Variants in ASS1 observed in about 807,000 individuals in gnomAD.
ASS1 encodes the protein argininosuccinate synthase 1, also known as argininosuccinate synthase.
Under a neutral mutation model 60.5 loss-of-function variants are expected in ASS1, and 58 were observed. The observed-to-expected ratio is 0.96, with a 90% CI of 0.78 to 1.19. The LOEUF is 1.19. ASS1 is among the 50% of genes most tolerant of loss of function. ASS1 has a pLI of 0.00. For synonymous variants in ASS1, 200 were observed against 206.9 expected (o/e 0.97, Z 0.29); for missense variants, 454 against 547.3 (o/e 0.83, Z 1.70).
intron 8 of ASS1, among the ~76,000 whole-genome samples, chr9:130,472,266 A>G (rs1257475711): frequency 6.6e-6 from 1 of 152,068 alleles, no homozygotes; most frequent in East Asian, 1.9e-4. Flanking sequence ...GGGGGAATCA[A>G]GAAGACCAGC....
chr9:130,483,951 G>A (rs759692326), intron 11 of ASS1, among the ~76,000 whole-genome samples: 8 of 151,888 alleles, frequency 5.3e-5, no homozygotes, highest in Non-Finnish European at 8.8e-5. Context: ...CTTGCCCAAC[G>A]TGCCCACCCA....
chr9:130,451,920 A>T lies in ASS1; in HGVS notation c.-5-304A>T, dbSNP rs565079378. The stretch of plus-strand genomic sequence containing the variant: ...GCCTTGGGCCAAACTGCTCAGCCTC[A>T]GCCGCCTTCCCTCGATGCTGGAGGA... On this transcript the variant is annotated intron_variant, in intron 1 of 14. Coordinates refer to ENST00000352480, the MANE Select transcript of ASS1 (RefSeq NM_054012.4). 102 of 557,148 alleles carry T rather than the reference A, an allele frequency of 1.8e-4. No homozygotes were observed. The African/African-American group carries it at 1.8e-3, about 10-fold the overall frequency. 34.5% of individuals were successfully genotyped at this position (557,148 alleles called of 1,614,324 possible).
At chr9:130,465,404 A>G (rs1215975) in intron 5 of ASS1, among the ~76,000 whole-genome samples, 145,064 of 152,378 alleles carry the variant, frequency 0.95, 69,445 homozygotes, top group East Asian at 1. Flanking sequence ...TATCCAAAAT[A>G]TTATCATTCC....
intron 1 of ASS1, chr9:130,451,743 G>A: frequency 2.4e-6 from 1 of 424,854 alleles, no homozygotes. Context: ...TGTAGTGGGG[G>A]CTCAGGGGCA....
rs1272450383 is a variant in ASS1 at position 130,480,372 on chromosome 9, GTTC to G, written c.774-9_774-7del. 1.2e-6 allele frequency: 2 copies of G among 1,614,210 alleles called. No individual in the cohort carries two copies. The highest frequency in any genetic ancestry group is 8.5e-7 in the Non-Finnish European group (1 of 1,180,036). On this transcript the variant is annotated splice_polypyrimidine_tract_variant and intron_variant, in intron 10 of 14. Transcript: ENST00000352480. ...GGTAGCGCCCGAACCTAATGGACCA[GTTC>G]TTCCCACAGGGGCAAGCATGGCGTG... is the stretch of plus-strand genomic sequence containing the variant.
intron 1 of ASS1, among the ~76,000 whole-genome samples, chr9:130,448,342 A>G (rs1161002574): frequency 6.6e-6 from 1 of 151,946 alleles, no homozygotes; most frequent in East Asian, 1.9e-4. Flanking sequence ...GTGCAAGCCC[A>G]AACACATCAC....
intron 2 of ASS1, among the ~76,000 whole-genome samples, chr9:130,454,014 G>A (rs201026019): frequency 6.6e-6 from 1 of 152,250 alleles, no homozygotes; most frequent in East Asian, 1.9e-4. Flanking sequence ...AGCAATGACA[G>A]CAGATGGTTG....
In ASS1 at chr9:130,470,059, A is replaced by T. The variant is rs1845831074; in HGVS notation, c.496-775A>T. Among the ~76,000 whole-genome samples the T allele has an allele frequency of 6.6e-6, 1 of 152,130 alleles. No homozygotes were observed. ...GAGGAGGCTGGAGTGCACGAGCTGGATTCCAGTCGGGCGTCATCAAGGGTG... is the reference window on the plus strand; with the variant it reads ...GAGGAGGCTGGAGTGCACGAGCTGGTTTCCAGTCGGGCGTCATCAAGGGTG... On this transcript the variant is annotated intron_variant, in intron 6 of 14. Transcript: ENST00000352480. This position sits in a 1 kb window ranked among gnomAD's most constrained non-coding sequence, Gnocchi z 4.3.
chr9:130,469,030 G>C (rs1237941040), intron 6 of ASS1, among the ~76,000 whole-genome samples: 1 of 152,230 alleles, frequency 6.6e-6, no homozygotes, highest in Non-Finnish European at 1.5e-5. Context: ...CCTTGCTCCT[G>C]GACGGAGGTC....
Position 130,490,958 on chromosome 9 carries a change from C to A in ASS1, c.970+1494C>A, listed in dbSNP as rs1246308745. On this transcript the variant is annotated intron_variant, in intron 12 of 14. Transcript: ENST00000352480. ...ATCCTCACATCTTCGGGGGCCTGGA[C>A]GTCAGGGGACCTGTGCAAAGTTAGT... Among the ~76,000 whole-genome samples, 9 of 152,196 alleles carry A rather than the reference C, an allele frequency of 5.9e-5. No homozygotes were observed. In the East Asian group the frequency reaches 1.7e-3, roughly 29 times the overall value.
Position 130,494,746 on chromosome 9 carries a change from G to T in ASS1, c.971-121G>T. 3 of 1,303,742 alleles carry T rather than the reference G, an allele frequency of 2.3e-6. No individual in the cohort carries two copies. The highest frequency in any genetic ancestry group is 1.8e-5 in the Admixed American group (1 of 55,738). 80.8% of individuals were successfully genotyped at this position (1,303,742 alleles called of 1,614,324 possible). A position where few individuals can be genotyped will look rare whatever the true frequency, so the allele number is the denominator to read the frequency against. ...AGCGCACATTGTGCCAGTCTCGCGG[G>T]AGGCAGTCATGGTCTGCATGGCGGG... On this transcript the variant is annotated intron_variant, in intron 12 of 14. Transcript: ENST00000352480. The surrounding 1 kb of genome is among the most constrained non-coding windows in gnomAD (Gnocchi z 4.3).
rs889235015 is a variant in ASS1, at chr9:130,488,666, C to T, written c.839-667C>T. ...CTCCCCTGACCTTCCAGGGTTGGGC[C>T]TCCACGGCCAGGTGACTTACAGGGC... On this transcript the variant is annotated intron_variant, in intron 11 of 14. Coordinates refer to ENST00000352480, the MANE Select transcript of ASS1 (RefSeq NM_054012.4). This position sits in a 1 kb window ranked among gnomAD's most constrained non-coding sequence, Gnocchi z 5.2. 2.0e-5 allele frequency among the ~76,000 whole-genome samples: 3 copies of T among 152,216 alleles called. No homozygotes were observed. The highest frequency in any genetic ancestry group is 3.2e-3 in the Middle Eastern group (1 of 316).
chr9:130,458,575 G>T lies in ASS1; in HGVS notation c.349G>T (p.Gly117Cys). The T allele has an allele frequency of 1.2e-6, 2 of 1,612,772 alleles. No individual in the cohort carries two copies. Among genetic ancestry groups the T allele is most frequent in the Non-Finnish European group, 1.7e-6 (2 of 1,179,802 alleles). ...GGAGGGGGCCAAGTATGTGTCCCAC[G>T]GCGCCACAGGAAAGGTGAGGCACCT... ...QREGAKYVSH[G>C]ATGKGNDQVR... is the part of the protein sequence containing the mutation. The change falls in exon 4 of 15, where the codon GGC (glycine) becomes TGC (cysteine). Residue 117 changes from glycine to cysteine, a missense_variant. Gly to Cys is a radical substitution (Grantham distance 159). Coordinates refer to ENST00000352480, the MANE Select transcript of ASS1 (RefSeq NM_054012.4).
At chr9:130,454,538 G>T in intron 3 of ASS1, among the ~76,000 whole-genome samples, 165 bp downstream of exon 3, 1 of 152,066 alleles carries the variant, frequency 6.6e-6, no homozygotes, top group Non-Finnish European at 1.5e-5. Context: ...TTGTTTTTCT[G>T]CCTCCCCCAC....
chr9:130,447,281 T>C (rs1302001028), intron 1 of ASS1, among the ~76,000 whole-genome samples: 1 of 152,262 alleles, frequency 6.6e-6, no homozygotes, highest in East Asian at 1.9e-4. Flanking sequence ...AGCCGCTAGC[T>C]TGTGACCTCG....
At position 130,470,325 on chromosome 9, in the gene ASS1, T is replaced by C. The variant is rs1588486495; in HGVS notation, c.496-509T>C. On this transcript the variant is annotated intron_variant, in intron 6 of 14. Coordinates refer to ENST00000352480, the MANE Select transcript of ASS1 (RefSeq NM_054012.4). The surrounding 1 kb of genome is among the most constrained non-coding windows in gnomAD (Gnocchi z 4.3). The stretch of plus-strand genomic sequence containing the variant: ...GTCTGCAGAGTGATGTGTGTGGCTG[T>C]TGCGCCAGGCCCAGGGAGGGGTGCC... 6.6e-6 allele frequency among the ~76,000 whole-genome samples: 1 copy of C among 152,204 alleles called. No individual in the cohort carries two copies. Among genetic ancestry groups the C allele is most frequent in the Non-Finnish European group, 1.5e-5 (1 of 68,030 alleles).
intron 1 of ASS1, among the ~76,000 whole-genome samples, chr9:130,446,312 A>T (rs946051138): frequency 6.6e-6 from 1 of 152,086 alleles, no homozygotes; most frequent in Non-Finnish European, 1.5e-5. Flanking sequence ...GATGAGAGGG[A>T]GGGAGAAGCA....
chr9:130,480,515 C>A lies in ASS1; in HGVS notation c.838+66C>A, dbSNP rs2043189. The A allele has an allele frequency of 0.42, 648,440 of 1,553,314 alleles. 140,563 individuals are homozygous for A. The highest frequency in any genetic ancestry group is 0.47 in the Middle Eastern group (2,341 of 4,974). Reference sequence around the variant, plus strand: ...CAGCAAACCCAGAGATCCCTGAGACCCTGTCCCCTTTGGACGCTACTACCC... The same window carrying A: ...CAGCAAACCCAGAGATCCCTGAGACACTGTCCCCTTTGGACGCTACTACCC... On this transcript the variant is annotated intron_variant, in intron 11 of 14. Transcript: ENST00000352480.
chr9:130,447,941 G>A (rs1845233417), intron 1 of ASS1, among the ~76,000 whole-genome samples: 1 of 151,998 alleles, frequency 6.6e-6, no homozygotes, highest in South Asian at 2.1e-4. Flanking sequence ...GTCGCCCTGT[G>A]GGGAGCAGGC....
Sources: allele counts gnomAD v4.1 joint callset (sites outside exome capture counted in the v4.1 genomes callset), GRCh38; gene constraint gnomAD v4.1.1; non-coding constraint Gnocchi (gnomAD v3.1); transcripts MANE v1.5; gene names NCBI Gene and HGNC (gene_info 2026-07-23, HGNC 2026-07-21).